The following PARD3B variants were observed in gnomAD, a reference collection of about 807,000 sequenced individuals.
PARD3B encodes partitioning defective 3 homolog B.
Under a neutral mutation model 130.2 loss-of-function variants are expected in PARD3B, and 103 were observed. The ratio of observed to expected loss-of-function variants is 0.79; its 90% CI spans 0.67 to 0.93. The LOEUF is 0.93. Among genes scored for constraint, PARD3B ranks in the 40% least tolerant of loss-of-function variants. The probability of loss-of-function intolerance (pLI) is 0.00; values close to 1 mark genes in which losing one functional copy is unlikely to be tolerated. For synonymous variants in PARD3B, 583 were observed against 553.2 expected (o/e 1.05, Z -0.76); for missense variants, 1,609 against 1,499.2 (o/e 1.07, Z -1.21).
intron 1 of PARD3B, among the ~76,000 whole-genome samples, chr2:204,553,539 T>G (rs542188939): frequency 0.14 from 3,268 of 23,394 alleles, 122 homozygotes; most frequent in African/African-American, 0.19. Flanking sequence ...ATCTGTGGGG[T>G]GTGTGTGTGT....
At chr2:204,922,456 AT>A (rs1050744212) in intron 2 of PARD3B, among the ~76,000 whole-genome samples, 24 of 151,714 alleles carry the variant, frequency 1.6e-4, no homozygotes, top group Middle Eastern at 3.4e-3. Context: ...AATGTAAGAA[AT>A]TTTTTTTTCT....
At chr2:204,843,962 T>C (rs2044358218) in intron 2 of PARD3B, among the ~76,000 whole-genome samples, 1 of 152,152 alleles carries the variant, frequency 6.6e-6, no homozygotes, top group South Asian at 2.1e-4. Flanking sequence ...TTATTTAATA[T>C]TGACTTTGCT....
intron 21 of PARD3B, among the ~76,000 whole-genome samples, chr2:205,533,231 A>C (rs1575278734): frequency 6.6e-6 from 1 of 152,268 alleles, no homozygotes; most frequent in East Asian, 1.9e-4. Context: ...CTTCTCCCAA[A>C]GGAAGGCAGA....
chr2:205,302,659 A>G (rs12999103), intron 18 of PARD3B, among the ~76,000 whole-genome samples: 19 of 152,134 alleles, frequency 1.2e-4, no homozygotes, highest in Non-Finnish European at 2.4e-4. Flanking sequence ...GTCAGGGTAG[A>G]TGAACCTCAT....
intron 22 of PARD3B, among the ~76,000 whole-genome samples, chr2:205,587,373 T>A (rs1271953185): frequency 6.6e-6 from 1 of 152,216 alleles, no homozygotes; most frequent in Non-Finnish European, 1.5e-5. Context: ...AAACTCTTAA[T>A]GACCACAATC....
At chr2:204,861,522 G>A (rs1423383485) in intron 2 of PARD3B, among the ~76,000 whole-genome samples, 1 of 152,036 alleles carries the variant, frequency 6.6e-6, no homozygotes, top group Non-Finnish European at 1.5e-5. Context: ...CTGAGATTTT[G>A]GATGTAATTG....
Position 205,038,328 on chromosome 2 carries a change from T to C in PARD3B, c.395-9253T>C, listed in dbSNP as rs116439838. 1.7e-3 allele frequency among the ~76,000 whole-genome samples: 262 copies of C among 152,260 alleles called. 2 individuals carry two copies. The highest frequency in any genetic ancestry group is 6.0e-3 in the African/African-American group (251 of 41,550). On this transcript the variant is annotated intron_variant, in intron 3 of 22. Coordinates refer to ENST00000406610, the MANE Select transcript of PARD3B (RefSeq NM_001302769.2). Reference sequence around the variant, plus strand: ...TTTATTTCAGTTAGTACTTTACTTGTTTTTTTAGAGTGTATGCCTTTCAAA... The same window carrying C: ...TTTATTTCAGTTAGTACTTTACTTGCTTTTTTAGAGTGTATGCCTTTCAAA...
intron 15 of PARD3B, among the ~76,000 whole-genome samples, chr2:205,196,832 A>G (rs965753035): frequency 6.6e-6 from 1 of 152,114 alleles, no homozygotes; most frequent in Non-Finnish European, 1.5e-5. Context: ...AGTCCATCTC[A>G]TGTCAGCATC....
chr2:204,729,490 T>C (rs1386263354), intron 2 of PARD3B, among the ~76,000 whole-genome samples: 2 of 152,186 alleles, frequency 1.3e-5, no homozygotes, highest in African/African-American at 4.8e-5. Context: ...ACAGTCCATC[T>C]CACAGATGCT....
At chr2:204,660,906 C>T (rs10205296) in intron 1 of PARD3B, among the ~76,000 whole-genome samples, 101,637 of 151,992 alleles carry the variant, frequency 0.67, 37,363 homozygotes, top group South Asian at 0.81. Flanking sequence ...GTGAGTTATG[C>T]CAAAAATGAA....
chr2:205,410,952 G>C (rs568621952), intron 19 of PARD3B, among the ~76,000 whole-genome samples: 403 of 152,250 alleles, frequency 2.6e-3, no homozygotes, highest in African/African-American at 9.3e-3. Flanking sequence ...ACCTAGGCCT[G>C]TGATTTACAA....
intron 2 of PARD3B, among the ~76,000 whole-genome samples, chr2:204,879,269 C>T (rs189855279): frequency 2.6e-5 from 4 of 152,214 alleles, no homozygotes; most frequent in Admixed American, 1.3e-4. Context: ...AAGCAGGGGC[C>T]GTGACAGGCA....
intron 21 of PARD3B, among the ~76,000 whole-genome samples, chr2:205,547,060 A>G (rs2052410686): frequency 6.6e-6 from 1 of 152,118 alleles, no homozygotes; most frequent in Non-Finnish European, 1.5e-5. Flanking sequence ...ACAGAAATGT[A>G]TCCCCACCAT....
At chr2:205,226,181 A>G (rs1307585992) in intron 15 of PARD3B, among the ~76,000 whole-genome samples, 1 of 152,166 alleles carries the variant, frequency 6.6e-6, no homozygotes, top group Non-Finnish European at 1.5e-5. Flanking sequence ...AGCTGGGACT[A>G]CAGGTGCCTG....
intron 19 of PARD3B, among the ~76,000 whole-genome samples, chr2:205,419,085 T>C (rs761461884): frequency 6.6e-6 from 1 of 152,132 alleles, no homozygotes; most frequent in Non-Finnish European, 1.5e-5. Flanking sequence ...AGCACTGATA[T>C]GGTTTGGCTC....
intron 3 of PARD3B, among the ~76,000 whole-genome samples, chr2:205,003,653 GTTTATT>G (rs1559347289): frequency 1.3e-5 from 2 of 152,206 alleles, no homozygotes; most frequent in African/African-American, 4.8e-5. Context: ...ATAGGAAACA[GTTTATT>G]TTTATGTTTG....
chr2:204,655,808 G>A (rs1483924171), intron 1 of PARD3B, among the ~76,000 whole-genome samples: 1 of 152,098 alleles, frequency 6.6e-6, no homozygotes, highest in Non-Finnish European at 1.5e-5. Context: ...TTGCCTGCAA[G>A]TCCGTGGGTC....
intron 15 of PARD3B, among the ~76,000 whole-genome samples, chr2:205,239,687 T>C (rs1281552300): frequency 6.6e-6 from 1 of 152,186 alleles, no homozygotes; most frequent in Non-Finnish European, 1.5e-5. Context: ...GTTGTGAACA[T>C]ATGGATAGTT....
Position 205,502,497 on chromosome 2 carries a change from G to A in PARD3B, c.3180+2466G>A, listed in dbSNP as rs534608499. ...CAATCCCTTGAGTAAACACGAAAGCGGTCCAACTTCTCTAGCAAAACCACT... is the reference window on the plus strand; with the variant it reads ...CAATCCCTTGAGTAAACACGAAAGCAGTCCAACTTCTCTAGCAAAACCACT... On this transcript the variant is annotated intron_variant, in intron 21 of 22. Coordinates refer to ENST00000406610, the MANE Select transcript of PARD3B (RefSeq NM_001302769.2). 8.5e-5 allele frequency among the ~76,000 whole-genome samples: 13 copies of A among 152,186 alleles called. No individual in the cohort carries two copies. In the South Asian group the frequency reaches 2.3e-3, roughly 27 times the overall value.
Sources: allele counts gnomAD v4.1 joint callset (sites outside exome capture counted in the v4.1 genomes callset), GRCh38; gene constraint gnomAD v4.1.1; transcripts MANE v1.5; gene names NCBI Gene and HGNC (gene_info 2026-07-23, HGNC 2026-07-21).